EEFSEC: variants seen among roughly 807,000 people sequenced by gnomAD.
EEFSEC encodes selenocysteine-specific elongation factor.
A neutral mutation model predicts 42.1 loss-of-function variants in EEFSEC; 43 were observed. The observed-to-expected ratio is 1.02, with a 90% CI of 0.80 to 1.32. EEFSEC has a LOEUF of 1.32. Ranked by LOEUF, EEFSEC falls within the 40% of genes most tolerant of loss-of-function variation. The pLI is 0.00. For missense variants in EEFSEC, 745 were observed against 803.6 expected, an observed-to-expected ratio of 0.93 and a Z score of 0.88; for synonymous variants, 354 against 339.1, an observed-to-expected ratio of 1.04 and a Z score of -0.48.
the EEFSEC span, among the ~76,000 whole-genome samples, chr3:128,415,831 T>A: frequency 6.6e-6 from 1 of 152,196 alleles, no homozygotes; most frequent in Non-Finnish European, 1.5e-5. Context: ...GGAGCGGTTT[T>A]GGGACCCCTG....
rs928904366 is a variant in EEFSEC at position 128,402,209 on chromosome 3, C to T, written c.1601-5860C>T. Among the ~76,000 whole-genome samples the T allele has an allele frequency of 5.3e-5, 8 of 152,254 alleles. No homozygotes were observed. In the East Asian group the frequency reaches 7.7e-4, roughly 15 times the overall value. On this transcript the variant is annotated intron_variant, in intron 6 of 6. Coordinates refer to ENST00000254730, the MANE Select transcript of EEFSEC (RefSeq NM_021937.5). ...AGGAACAGTGCTTGCAACCCACTCC[C>T]GACCCCTGACAGCCAAATGGACAGT... is the stretch of plus-strand genomic sequence containing the variant.
At chr3:128,407,971 G>A (rs1045444458) in intron 6 of EEFSEC, 98 bp from the exon 7 acceptor site, 31 of 1,181,904 alleles carry the variant, frequency 2.6e-5, no homozygotes, top group Non-Finnish European at 3.5e-5. Flanking sequence ...AGGGAGGGAG[G>A]CAGAAGAGGG....
chr3:128,193,886 A>G (rs2065553197), intron 1 of EEFSEC, among the ~76,000 whole-genome samples: 1 of 152,222 alleles, frequency 6.6e-6, no homozygotes, highest in African/African-American at 2.4e-5. Flanking sequence ...ATGGGAGGAC[A>G]GAAGGGAAGA....
chr3:128,199,029 A>G (rs1465967204), intron 1 of EEFSEC, among the ~76,000 whole-genome samples: 1 of 152,096 alleles, frequency 6.6e-6, no homozygotes, highest in Non-Finnish European at 1.5e-5. Flanking sequence ...ACAGGGTTTC[A>G]CTGTGTTGAC....
downstream of EEFSEC, among the ~76,000 whole-genome samples, chr3:128,412,821 C>T (rs1418925805): frequency 6.6e-6 from 1 of 152,192 alleles, no homozygotes; most frequent in Non-Finnish European, 1.5e-5. Flanking sequence ...GTGGGGCTCG[C>T]AAGGCTCTAC....
chr3:128,405,381 C>T (rs2068097105), intron 6 of EEFSEC, among the ~76,000 whole-genome samples: 1 of 152,152 alleles, frequency 6.6e-6, no homozygotes. Context: ...TTGTCAGAAG[C>T]CCTCTGAAAG....
At chr3:128,275,106 A>C (rs948798828) in intron 4 of EEFSEC, among the ~76,000 whole-genome samples, 1 of 152,120 alleles carries the variant, frequency 6.6e-6, no homozygotes. Context: ...TAGGATGCGC[A>C]TGTCATCGAG....
Position 128,341,346 on chromosome 3 carries a change from C to T in EEFSEC, c.900C>T (p.Arg300=), listed in dbSNP as rs114698998. 7.6e-5 allele frequency: 122 copies of T among 1,614,148 alleles called. No homozygotes were observed. The African/African-American group carries it at 1.3e-3, about 18-fold the overall frequency. The change falls in exon 5 of 7, where the codon CGC becomes CGT. Residue 300 remains arginine, a synonymous_variant. Coordinates refer to ENST00000254730, the MANE Select transcript of EEFSEC (RefSeq NM_021937.5). ...AGTTTGACCCTAAGCTGCTGGAGCG[C>T]GGGTTGGTGTGTGCCCCCGAGTCCC... The part of the protein sequence containing the change: ...VTQFDPKLLE[R]GLVCAPESLH...
At chr3:128,279,421 C>G (rs2066502181) in intron 4 of EEFSEC, among the ~76,000 whole-genome samples, 1 of 152,248 alleles carries the variant, frequency 6.6e-6, no homozygotes, top group Non-Finnish European at 1.5e-5. Context: ...CAAGTGTCTG[C>G]AGACATTCTA....
the EEFSEC span, among the ~76,000 whole-genome samples, chr3:128,420,926 C>T: frequency 5.3e-5 from 8 of 152,130 alleles, no homozygotes; most frequent in African/African-American, 1.2e-4. Context: ...TGCACCTGTC[C>T]GGGACCTGCC....
intron 1 of EEFSEC, among the ~76,000 whole-genome samples, chr3:128,172,061 G>T (rs889324503): frequency 2.0e-5 from 3 of 152,044 alleles, no homozygotes; most frequent in African/African-American, 7.2e-5. Context: ...GTCCTTCAGG[G>T]GTCCTCAAAT....
chr3:128,262,110 A>T lies in EEFSEC; in HGVS notation c.525-18A>T. The T allele has an allele frequency of 1.9e-6, 3 of 1,612,624 alleles. No homozygotes were observed. Among genetic ancestry groups the T allele is most frequent in the African/African-American group, 1.3e-5 (1 of 74,892 alleles). On this transcript the variant is annotated intron_variant, in intron 2 of 6. Transcript: ENST00000254730. Reference sequence around the variant, plus strand: ...TGCTGATCTCTGTAACTGTGATGGGACTTATTTTCCATTTCAGGTTCCGAG... The same window carrying T: ...TGCTGATCTCTGTAACTGTGATGGGTCTTATTTTCCATTTCAGGTTCCGAG...
At chr3:128,402,245 C>T (rs2068056697) in intron 6 of EEFSEC, among the ~76,000 whole-genome samples, 1 of 152,252 alleles carries the variant, frequency 6.6e-6, no homozygotes, top group Non-Finnish European at 1.5e-5. Context: ...CTTCCGGTCT[C>T]TTTTCCCTTC....
rs758255635 is a variant in EEFSEC, at chr3:128,408,094, G to A, written c.1626G>A (p.Lys542=). 2 of 1,594,370 alleles carry A rather than the reference G, an allele frequency of 1.3e-6. No homozygotes were observed. The part of the protein sequence containing the change: ...IPGGLSPESK[K]ILTPALKKRA... ...GTGGCCTCAGCCCCGAGTCCAAGAA[G>A]ATCCTGACACCCGCCCTCAAGAAGC... Residue 542 remains lysine, a synonymous_variant, in exon 7 of 7, where the codon AAG becomes AAA. Transcript: ENST00000254730.
intron 6 of EEFSEC, among the ~76,000 whole-genome samples, chr3:128,390,879 G>A (rs947507369): frequency 5.9e-5 from 9 of 152,196 alleles, no homozygotes; most frequent in East Asian, 5.8e-4. Flanking sequence ...TTTGCTTGGC[G>A]CCCTCAGGCT....
At chr3:128,185,807 C>T (rs1005889389) in intron 1 of EEFSEC, among the ~76,000 whole-genome samples, 1 of 152,152 alleles carries the variant, frequency 6.6e-6, no homozygotes, top group African/African-American at 2.4e-5. Flanking sequence ...ATATTCCATG[C>T]CTGGATATAC....
intron 1 of EEFSEC, among the ~76,000 whole-genome samples, chr3:128,236,237 A>T (rs2066009076): frequency 6.6e-6 from 1 of 152,192 alleles, no homozygotes; most frequent in Admixed American, 6.5e-5. Flanking sequence ...GGCCTCCCAA[A>T]TTGTTGGGAT....
At chr3:128,213,682 A>G (rs1367874974) in intron 1 of EEFSEC, among the ~76,000 whole-genome samples, 12 of 152,124 alleles carry the variant, frequency 7.9e-5, no homozygotes, top group Admixed American at 7.9e-4. Flanking sequence ...AGGGAAGACC[A>G]GTGGACAGGC....
At chr3:128,351,139 G>C (rs999784505) in intron 5 of EEFSEC, among the ~76,000 whole-genome samples, 42 of 152,090 alleles carry the variant, frequency 2.8e-4, no homozygotes, top group African/African-American at 9.9e-4. Flanking sequence ...GAAGCAGAGA[G>C]CTGTGGGCAG....
Sources: gnomAD v4.1 joint callset for allele counts (sites outside exome capture counted in the v4.1 genomes callset) on GRCh38, gnomAD v4.1.1 for gene constraint, MANE v1.5 for transcripts, NCBI Gene and HGNC (gene_info 2026-07-23, HGNC 2026-07-21) for gene names.